The following MDN1 variants were observed in gnomAD, a reference collection of about 807,000 sequenced individuals.
MDN1 encodes midasin.
Under a neutral mutation model 669.2 loss-of-function variants are expected in MDN1, and 266 were observed. The observed-to-expected ratio is 0.40, with a 90% CI of 0.36 to 0.44. The LOEUF (loss-of-function observed/expected upper bound fraction) is 0.44, where lower values mean the gene tolerates loss of function less well. Among genes scored for constraint, MDN1 ranks in the 20% least tolerant of loss-of-function variants. The probability of loss-of-function intolerance (pLI) is 1.00; values close to 1 mark genes in which losing one functional copy is unlikely to be tolerated. For synonymous variants in MDN1, 2,385 were observed against 2,457.1 expected, an observed-to-expected ratio of 0.97 and a Z score of 0.87; for missense variants, 5,940 against 6,754.0, an observed-to-expected ratio of 0.88 and a Z score of 4.22.
chr6:89,696,049 T>C (rs1411922766), intron 60 of MDN1, 57 bp from the exon 61 acceptor site: 1 of 1,531,136 alleles, frequency 6.5e-7, no homozygotes, highest in Non-Finnish European at 8.8e-7. Context: ...AAGCATTCCT[T>C]TTCATACAGT....
intron 53 of MDN1, 99 bp downstream of exon 53, chr6:89,705,960 G>T (rs1243053994): frequency 1.3e-5 from 13 of 1,030,890 alleles, no homozygotes; most frequent in African/African-American, 1.6e-5. Context: ...ATAATATTGG[G>T]CATATAACAA....
Position 89,701,994 on chromosome 6 carries a change from G to A in MDN1, c.8216C>T (p.Pro2739Leu). 6.2e-7 allele frequency: 1 copy of A among 1,613,854 alleles called. No homozygotes were observed. Among genetic ancestry groups the A allele is most frequent in the Non-Finnish European group, 8.5e-7 (1 of 1,179,776 alleles). ...TVADTVKVDAPGLALLALHWH... is the reference protein window; with the variant it reads ...TVADTVKVDALGLALLALHWH... ...ATGGAGGGCAAGAAGGGCCAGACCT[G>A]GGGCATCTACTTTTACTGTGTCGGC... The change falls in exon 54 of 102, where the codon CCA becomes CTA. Residue 2739 changes from proline to leucine, a missense_variant. Pro to Leu is a moderately conservative substitution (Grantham distance 98). Coordinates refer to ENST00000369393, the MANE Select transcript of MDN1 (RefSeq NM_014611.3).
chr6:89,745,134 TA>T (rs60588845), intron 29 of MDN1, 138 bp downstream of exon 29: 11,762 of 281,636 alleles, frequency 0.042, no homozygotes, highest in Non-Finnish European at 0.048. Flanking sequence ...AGTCTCTTCT[TA>T]AAAAAAAAAA....
intron 34 of MDN1, among the ~76,000 whole-genome samples, chr6:89,731,353 G>C (rs1027063633): frequency 7.9e-5 from 12 of 152,076 alleles, no homozygotes; most frequent in African/African-American, 2.9e-4. Context: ...CAAAGACTTG[G>C]AACCAACCCG....
chr6:89,805,523 C>T (rs1767957956), intron 1 of MDN1, among the ~76,000 whole-genome samples: 1 of 152,096 alleles, frequency 6.6e-6, no homozygotes, highest in Admixed American at 6.6e-5. Context: ...GCCTGGGTGA[C>T]AAACAGTTAA....
intron 34 of MDN1, among the ~76,000 whole-genome samples, chr6:89,731,558 A>G (rs1217117801): frequency 1.3e-5 from 2 of 152,016 alleles, no homozygotes; most frequent in African/African-American, 4.8e-5. Context: ...GAGTTGAACA[A>G]TGAGAACACA....
intron 38 of MDN1, 34 bp downstream of exon 38, chr6:89,725,165 T>C: frequency 3.8e-6 from 6 of 1,598,178 alleles, no homozygotes; most frequent in Non-Finnish European, 5.1e-6. Flanking sequence ...CCTCCGAGTC[T>C]ATCTTTGGTC....
intron 15 of MDN1, among the ~76,000 whole-genome samples, chr6:89,767,441 C>T (rs1817854224): frequency 6.6e-6 from 1 of 152,056 alleles, no homozygotes; most frequent in Non-Finnish European, 1.5e-5. Flanking sequence ...AGTATCTTTA[C>T]CCATAATAAT....
chr6:89,716,513 C>T (rs757938236), intron 44 of MDN1, 137 bp downstream of exon 44: 17 of 860,396 alleles, frequency 2.0e-5, no homozygotes, highest in African/African-American at 1.8e-4. Flanking sequence ...GAGAAGTCTA[C>T]AGAATATGGC....
At chr6:89,685,759 G>A in intron 70 of MDN1, 68 bp downstream of exon 70, 1 of 1,547,724 alleles carries the variant, frequency 6.5e-7, no homozygotes, top group South Asian at 1.2e-5. Flanking sequence ...CCTGTCTCAT[G>A]CAGAGAATTC....
rs1812747973 is a variant in MDN1, at chr6:89,696,495, C to A, written c.9248G>T (p.Trp3083Leu). Residue 3083 changes from tryptophan to leucine, a missense_variant, in exon 60 of 102, where the codon TGG (tryptophan) becomes TTG (leucine). Physicochemically the swap from Trp to Leu is moderately conservative, Grantham distance 61. Around this residue, in one of 5 missense-constraint regions of MDN1, gnomAD observed 2,292 missense variants for 2,638.3 expected, o/e 0.87. Coordinates refer to ENST00000369393, the MANE Select transcript of MDN1 (RefSeq NM_014611.3). ...AAGAATGGGGAGGCCACTCACATCC[C>A]AGGGACTTGCTCTCCAGCTGCTGGT... ...VLTSSWRASP[W>L]DVSGLPILSS... is the part of the protein sequence containing the mutation. 6.2e-7 allele frequency: 1 copy of A among 1,614,096 alleles called. No individual in the cohort carries two copies. Among genetic ancestry groups the A allele is most frequent in the African/African-American group, 1.3e-5 (1 of 74,942 alleles).
At chr6:89,792,760 G>T (rs117451960) in intron 5 of MDN1, among the ~76,000 whole-genome samples, 1 of 152,018 alleles carries the variant, frequency 6.6e-6, no homozygotes, top group East Asian at 1.9e-4. Flanking sequence ...AAGAAAAGTG[G>T]GTGGCCTGGG....
chr6:89,740,481 C>T (rs772188643), intron 31 of MDN1, 103 bp from the exon 32 acceptor site: 2 of 1,161,354 alleles, frequency 1.7e-6, no homozygotes, highest in Non-Finnish European at 1.2e-6. Context: ...CTTCTTTCTA[C>T]TGAATTTTTA....
At chr6:89,702,412 G>A (rs1457688359) in intron 53 of MDN1, among the ~76,000 whole-genome samples, 1 of 152,258 alleles carries the variant, frequency 6.6e-6, no homozygotes, top group African/African-American at 2.4e-5. Context: ...GACCAGAAGT[G>A]TAGAAGAGTT....
chr6:89,719,122 C>A lies in MDN1; in HGVS notation c.6057+14G>T. On this transcript the variant is annotated intron_variant, in intron 41 of 101. Transcript: ENST00000369393. Reference sequence around the variant, plus strand: ...AAAATGTCAAAGGATAGAGGATTATCCTAGTCTCCTTACCTGAACATCATA... The same window carrying A: ...AAAATGTCAAAGGATAGAGGATTATACTAGTCTCCTTACCTGAACATCATA... The A allele has an allele frequency of 6.2e-7, 1 of 1,612,244 alleles. No homozygotes were observed. Among genetic ancestry groups the A allele is most frequent in the Non-Finnish European group, 8.5e-7 (1 of 1,178,334 alleles).
Position 89,790,231 on chromosome 6 carries a change from T to C in MDN1, c.1026A>G (p.Leu342=), listed in dbSNP as rs1258126250. 1 of 1,614,172 alleles carries C rather than the reference T, an allele frequency of 6.2e-7. No individual in the cohort carries two copies. Among genetic ancestry groups the C allele is most frequent in the East Asian group, 2.2e-5 (1 of 44,884 alleles). The change falls in exon 6 of 102, where the codon TTA becomes TTG. Residue 342 remains leucine (L), a synonymous_variant. Coordinates refer to ENST00000369393, the MANE Select transcript of MDN1 (RefSeq NM_014611.3). The part of the protein sequence containing the change: ...GCGKTSLVEY[L]AAVTGRTKPP... ...GCTTTGTTCTACCTGTCACTGCAGCTAAATATTCAACTAAGGAAGTTTTGC... is the reference window on the plus strand; with the variant it reads ...GCTTTGTTCTACCTGTCACTGCAGCCAAATATTCAACTAAGGAAGTTTTGC...
At chr6:89,705,399 G>A (rs1007380758) in intron 53 of MDN1, among the ~76,000 whole-genome samples, 1 of 152,054 alleles carries the variant, frequency 6.6e-6, no homozygotes, top group Non-Finnish European at 1.5e-5. Context: ...TACTTTACTA[G>A]ACTTACTAGA....
At chr6:89,775,022 C>A (rs1269043808) in intron 12 of MDN1, among the ~76,000 whole-genome samples, 2 of 152,098 alleles carry the variant, frequency 1.3e-5, no homozygotes, top group African/African-American at 4.8e-5. Flanking sequence ...AACAGTAAGT[C>A]CTCACCTAAA....
At chr6:89,670,170 ATTTTTT>A (rs766450069) in intron 83 of MDN1, among the ~76,000 whole-genome samples, 1 of 23,412 alleles carries the variant, frequency 4.3e-5, no homozygotes, top group African/African-American at 2.6e-4. Context: ...ATATATATAT[ATTTTTT>A]TTTTTTTTTT....
Sources: gnomAD v4.1 joint callset for allele counts (sites outside exome capture counted in the v4.1 genomes callset) on GRCh38, gnomAD v4.1.1 for gene constraint, gnomAD v4.1.1 regional missense constraint, MANE v1.5 for transcripts, NCBI Gene and HGNC (gene_info 2026-07-23, HGNC 2026-07-21) for gene names.